Variants in CPLX1 observed in about 807,000 individuals in gnomAD.
The protein encoded by CPLX1 is complexin-1.
CPLX1 carries 6 observed loss-of-function variants against 15.6 expected under a neutral mutation model. That is an observed-to-expected ratio of 0.39 (90% CI 0.21 to 0.76). The LOEUF is 0.76. CPLX1 is among the 30% of genes least tolerant of loss of function. The probability of loss-of-function intolerance (pLI) is 0.43; values close to 1 mark genes in which losing one functional copy is unlikely to be tolerated. For synonymous variants in CPLX1, 91 were observed against 75.2 expected, an observed-to-expected ratio of 1.21 and a Z score of -1.08; for missense variants, 242 against 188.6, an observed-to-expected ratio of 1.28 and a Z score of -1.66.
At chr4:787,326 C>T (rs1157468536) in intron 3 of CPLX1, 11 of 985,386 alleles carry the variant, frequency 1.1e-5, no homozygotes, top group African/African-American at 1.7e-5. Flanking sequence ...TGGGCCTCAC[C>T]GACCCCCTGC....
chr4:814,513 C>G (rs1283410860), intron 2 of CPLX1, among the ~76,000 whole-genome samples: 3 of 152,138 alleles, frequency 2.0e-5, no homozygotes, highest in Non-Finnish European at 4.4e-5. Flanking sequence ...ACGCCCGGCC[C>G]TCTCCCTGAC....
chr4:822,541 C>T (rs1248855093), intron 2 of CPLX1, among the ~76,000 whole-genome samples: 6 of 152,140 alleles, frequency 3.9e-5, no homozygotes, highest in African/African-American at 1.4e-4. Context: ...CATTTTCTTT[C>T]TCCAGCTCCC....
chr4:790,788 A>C, intron 3 of CPLX1, among the ~76,000 whole-genome samples: 1 of 150,892 alleles, frequency 6.6e-6, no homozygotes, highest in South Asian at 2.1e-4. Context: ...TGCCACCTCC[A>C]CTTCTACCCA....
At chr4:820,146 C>T (rs1193595800) in intron 2 of CPLX1, among the ~76,000 whole-genome samples, 3 of 151,564 alleles carry the variant, frequency 2.0e-5, no homozygotes, top group Non-Finnish European at 2.9e-5. Flanking sequence ...TGCAGCTCCA[C>T]CGTCCTCCCG....
intron 2 of CPLX1, among the ~76,000 whole-genome samples, chr4:820,956 C>T (rs775004350): frequency 1.8e-4 from 28 of 152,152 alleles, no homozygotes; most frequent in Non-Finnish European, 3.7e-4. Context: ...CTGCCTGGGC[C>T]GTCCACGAGA....
chr4:786,498 C>CGG lies in CPLX1; in HGVS notation c.*1_*2dup. The stretch of plus-strand genomic sequence containing the variant: ...CTCCGCGGGGCCGCTGTCCCGCGCG[C>CGG]GGCTACTTCTTGAGCATGTCCTGCA... On this transcript the variant is annotated 3_prime_UTR_variant, in exon 4 of 4. Coordinates refer to ENST00000304062, the MANE Select transcript of CPLX1 (RefSeq NM_006651.4). 5 of 1,566,260 alleles carry CGG rather than the reference C, an allele frequency of 3.2e-6. No homozygotes were observed. Among genetic ancestry groups the CGG allele is most frequent in the Non-Finnish European group, 4.3e-6 (5 of 1,154,292 alleles).
intron 2 of CPLX1, chr4:792,809 G>T: frequency 1.8e-6 from 1 of 566,836 alleles, no homozygotes; most frequent in Non-Finnish European, 3.0e-6. Flanking sequence ...TCCATCCAGT[G>T]TGCTGGGGTC....
chr4:796,928 A>C (rs2152644410), intron 2 of CPLX1, among the ~76,000 whole-genome samples: 1 of 152,308 alleles, frequency 6.6e-6, no homozygotes, highest in Non-Finnish European at 1.5e-5. Context: ...ACGGGCCCAG[A>C]GTGGGGAGCC....
chr4:820,155 C>CAGGT (rs1395308062), intron 2 of CPLX1, among the ~76,000 whole-genome samples: 1 of 151,742 alleles, frequency 6.6e-6, no homozygotes, highest in South Asian at 2.1e-4. Context: ...ACCGTCCTCC[C>CAGGT]GGACCCAGCT....
rs1746212666 is a variant in CPLX1, at chr4:792,498, GCTC to G, written c.139_141del (p.Glu47del). 2 of 1,612,860 alleles carry G rather than the reference GCTC, an allele frequency of 1.2e-6. No individual in the cohort carries two copies. Among genetic ancestry groups the G allele is most frequent in the Non-Finnish European group, 1.7e-6 (2 of 1,179,644 alleles). ...TCCATCTTGGCGTACTTGGCCTTGC[GCTC>G]CTCCTCCGCCTGGCGCAGCGCCTCC... On this transcript the variant is annotated inframe_deletion, in exon 3 of 4. Coordinates refer to ENST00000304062, the MANE Select transcript of CPLX1 (RefSeq NM_006651.4).
At chr4:805,006 G>A (rs1357581630) in intron 2 of CPLX1, 7 of 892,374 alleles carry the variant, frequency 7.8e-6, no homozygotes, top group African/African-American at 7.2e-5. Flanking sequence ...GTGGAGAAAC[G>A]TGCCCACGCA....
chr4:797,756 A>AC (rs1328871699), intron 2 of CPLX1, among the ~76,000 whole-genome samples: 1 of 151,526 alleles, frequency 6.6e-6, no homozygotes, highest in Non-Finnish European at 1.5e-5. Flanking sequence ...ACACAATGAG[A>AC]CCCCGTCTCT....
At chr4:810,569 G>A (rs1045239936) in intron 2 of CPLX1, among the ~76,000 whole-genome samples, 14 of 152,298 alleles carry the variant, frequency 9.2e-5, no homozygotes, top group South Asian at 2.1e-4. Flanking sequence ...GCAGCATCTC[G>A]CTGTGGTGTG....
chr4:786,243 A>C lies in CPLX1; in HGVS notation c.*258T>G. 7.4e-5 allele frequency: 22 copies of C among 297,994 alleles called. No individual in the cohort carries two copies. The highest frequency in any genetic ancestry group is 1.8e-4 in the East Asian group (3 of 17,138). The allele number at this position is 297,994 out of a possible 1,614,324, so 18.5% of individuals were successfully genotyped here. ...CCTCGGGCGCTGCTGGGTGGGCGGT[A>C]AACAGCAAGAGAAAGGGGCGTCCCA... is the stretch of plus-strand genomic sequence containing the variant. On this transcript the variant is annotated 3_prime_UTR_variant, in exon 4 of 4. Coordinates refer to ENST00000304062, the MANE Select transcript of CPLX1 (RefSeq NM_006651.4).
At chr4:786,727 G>A in intron 3 of CPLX1, 29 bp from the exon 4 acceptor site, 4 of 1,557,148 alleles carry the variant, frequency 2.6e-6, no homozygotes, top group African/African-American at 2.7e-5. Flanking sequence ...TCAGGGCGGG[G>A]GTCCCGGCGG....
chr4:798,293 G>C (rs1330182566), intron 2 of CPLX1, among the ~76,000 whole-genome samples: 2 of 121,386 alleles, frequency 1.6e-5, no homozygotes, highest in East Asian at 2.3e-4. Flanking sequence ...AAAAAAAAAA[G>C]AACAGACATC....
chr4:806,465 A>G (rs991833545), intron 2 of CPLX1, among the ~76,000 whole-genome samples: 1 of 152,224 alleles, frequency 6.6e-6, no homozygotes, highest in African/African-American at 2.4e-5. Context: ...AATCTAGGCA[A>G]TACCATTCAG....
At chr4:823,104 C>T (rs1746902861) in intron 2 of CPLX1, among the ~76,000 whole-genome samples, 1 of 152,218 alleles carries the variant, frequency 6.6e-6, no homozygotes, top group African/African-American at 2.4e-5. Context: ...CAGTTTCTTA[C>T]AAGCCCACCT....
rs139629363 is a variant in CPLX1, at chr4:821,374, C to T, written c.31+3118G>A. Among the ~76,000 whole-genome samples, 937 of 152,316 alleles carry T rather than the reference C, an allele frequency of 6.2e-3. 5 individuals carry two copies. Among genetic ancestry groups the T allele is most frequent in the African/African-American group, 0.021 (872 of 41,566 alleles). ...CTCCCACTCTGCACCCCAGCCTCTC[C>T]GCACATGCATCCTCCAAGCCGTGTC... On this transcript the variant is annotated intron_variant, in intron 2 of 3. Transcript: ENST00000304062.
Sources: allele counts gnomAD v4.1 joint callset (sites outside exome capture counted in the v4.1 genomes callset), GRCh38; gene constraint gnomAD v4.1.1; transcripts MANE v1.5; gene names NCBI Gene and HGNC (gene_info 2026-07-23, HGNC 2026-07-21).